The following TNRC6A variants were observed in gnomAD, a reference collection of about 807,000 sequenced individuals.
TNRC6A encodes trinucleotide repeat-containing gene 6A protein.
Under a neutral mutation model 221.2 loss-of-function variants are expected in TNRC6A, and 44 were observed. The observed-to-expected ratio is 0.20, with a 90% confidence interval of 0.16 to 0.26. The LOEUF (loss-of-function observed/expected upper bound fraction) is 0.26, where lower values mean the gene tolerates loss of function less well. Among genes scored for constraint, TNRC6A ranks in the 10% least tolerant of loss-of-function variants. The pLI is 1.00. For synonymous variants in TNRC6A, 847 were observed against 838.5 expected, an observed-to-expected ratio of 1.01 and a Z score of -0.18; for missense variants, 2,199 against 2,404.4, an observed-to-expected ratio of 0.91 and a Z score of 1.79.
chr16:24,675,688 CTCTCTCTCTCTCTCTATATATA>C (rs1567346650), intron 2 of TNRC6A, among the ~76,000 whole-genome samples: 4 of 86,142 alleles, frequency 4.6e-5, no homozygotes, highest in African/African-American at 1.5e-4. Context: ...CTCTCTCTCT[CTCTCTCTCTCTCTCTATATATA>C]TATATATATA....
At chr16:24,680,550 C>T (rs192698797) in intron 2 of TNRC6A, among the ~76,000 whole-genome samples, 2 of 151,962 alleles carry the variant, frequency 1.3e-5, no homozygotes, top group Admixed American at 1.3e-4. Flanking sequence ...AACCTCATCT[C>T]TACTAAAAAT....
At chr16:24,726,362 C>CAA (rs58809989), upstream of TNRC6A, among the ~76,000 whole-genome samples, 65,957 of 134,368 alleles carry the variant, frequency 0.49, 17,032 homozygotes, top group East Asian at 0.85. Context: ...CAAAAGATAC[C>CAA]AAAAAAAAAA....
chr16:24,685,991 T>C (rs2055618177), intron 2 of TNRC6A, among the ~76,000 whole-genome samples: 1 of 152,104 alleles, frequency 6.6e-6, no homozygotes, highest in Non-Finnish European at 1.5e-5. Context: ...TGGGCTAGCA[T>C]TGCCATTCAG....
At chr16:24,613,288 T>C (rs1900158398) in intron 1 of TNRC6A, among the ~76,000 whole-genome samples, 1 of 151,500 alleles carries the variant, frequency 6.6e-6, no homozygotes, top group South Asian at 2.1e-4. Context: ...GTGAAGGCCT[T>C]GAGGAGGGCA....
intron 2 of TNRC6A, among the ~76,000 whole-genome samples, chr16:24,721,154 T>C (rs2056404257): frequency 6.6e-6 from 1 of 152,186 alleles, no homozygotes; most frequent in Non-Finnish European, 1.5e-5. Context: ...CTTGATGAGG[T>C]TGAGATGCAA....
At chr16:24,668,771 C>T (rs2055228516) in intron 2 of TNRC6A, among the ~76,000 whole-genome samples, 1 of 152,162 alleles carries the variant, frequency 6.6e-6, no homozygotes, top group African/African-American at 2.4e-5. Flanking sequence ...TTGAATTACT[C>T]AGTGAGAAAG....
At chr16:24,636,970 G>A (rs1164287647) in intron 1 of TNRC6A, among the ~76,000 whole-genome samples, 5 of 152,092 alleles carry the variant, frequency 3.3e-5, no homozygotes, top group Admixed American at 6.6e-5. Flanking sequence ...AGCCATACCT[G>A]GGGCCCCATC....
rs552685273 is a variant in TNRC6A at position 24,643,081 on chromosome 16, A to G, written n.402+2072A>G. Among the ~76,000 whole-genome samples, 511 of 134,810 alleles carry G rather than the reference A, an allele frequency of 3.8e-3. 4 individuals carry two copies. Among genetic ancestry groups the G allele is most frequent in the African/African-American group, 0.014 (495 of 35,184 alleles). 88.4% of individuals were successfully genotyped at this position (134,810 alleles called of 152,430 possible). On this transcript the variant is annotated intron_variant and non_coding_transcript_variant, in intron 2 of 2. Transcript: ENST00000566108. Reference sequence around the variant, plus strand: ...ATAACATATATATTATATATATATTATATATATATATTTTATATATATATA... The same window carrying G: ...ATAACATATATATTATATATATATTGTATATATATATTTTATATATATATA...
At chr16:24,739,722 A>G (rs907890087) in intron 2 of TNRC6A, among the ~76,000 whole-genome samples, 1 of 150,488 alleles carries the variant, frequency 6.6e-6, no homozygotes, top group Non-Finnish European at 1.5e-5. Flanking sequence ...CAAATGATCC[A>G]CCCGCCTCTG....
rs1385903228 is a variant in TNRC6A, at chr16:24,657,687, C to T, written n.402+16678C>T. Among the ~76,000 whole-genome samples, 7 of 139,518 alleles carry T rather than the reference C, an allele frequency of 5.0e-5. No individual in the cohort carries two copies. The South Asian group carries it at 9.0e-4, about 18-fold the overall frequency. The allele number at this position is 139,518 out of a possible 152,430, so 91.5% of individuals were successfully genotyped here. ...TCGTGCCACTGCACTCCAGCTTGGG[C>T]GACAGAGCAAAGCTCCATCTCAAAA... On this transcript the variant is annotated intron_variant and non_coding_transcript_variant, in intron 2 of 2. Coordinates refer to the TNRC6A transcript ENST00000566108.
At chr16:24,742,482 T>C (rs138244671) in intron 2 of TNRC6A, among the ~76,000 whole-genome samples, 89 of 152,270 alleles carry the variant, frequency 5.8e-4, no homozygotes, top group African/African-American at 1.9e-3. Flanking sequence ...GTGGTGTTGG[T>C]GTTACAGTGT....
chr16:24,715,997 C>A (rs1029357231), intron 2 of TNRC6A, among the ~76,000 whole-genome samples: 14 of 152,204 alleles, frequency 9.2e-5, no homozygotes, highest in Admixed American at 3.3e-4. Context: ...ATCCATAGAT[C>A]TCTGGAATTC....
chr16:24,673,370 C>CTA (rs1351059750), intron 2 of TNRC6A, among the ~76,000 whole-genome samples: 1 of 152,118 alleles, frequency 6.6e-6, no homozygotes, highest in Non-Finnish European at 1.5e-5. Flanking sequence ...GGCTTCAAAG[C>CTA]TATGTTCTGG....
intron 2 of TNRC6A, among the ~76,000 whole-genome samples, chr16:24,693,423 C>G (rs2055795395): frequency 6.6e-6 from 1 of 152,050 alleles, no homozygotes; most frequent in African/African-American, 2.4e-5. Context: ...CCCGTCTCTA[C>G]TAAAAATACA....
At chr16:24,689,451 T>A (rs1430815467) in intron 2 of TNRC6A, among the ~76,000 whole-genome samples, 1 of 152,148 alleles carries the variant, frequency 6.6e-6, no homozygotes, top group Non-Finnish European at 1.5e-5. Flanking sequence ...AATCCGCACA[T>A]TGATGAGAAT....
chr16:24,635,585 A>G (rs1901599695), intron 1 of TNRC6A, among the ~76,000 whole-genome samples: 1 of 152,154 alleles, frequency 6.6e-6, no homozygotes, highest in Non-Finnish European at 1.5e-5. Flanking sequence ...ACCTGGCCAG[A>G]TTCTGCACCT....
At chr16:24,627,997 A>C (rs116613886) in intron 1 of TNRC6A, among the ~76,000 whole-genome samples, 1 of 151,266 alleles carries the variant, frequency 6.6e-6, no homozygotes, top group African/African-American at 2.4e-5. Context: ...GCACTTGGCC[A>C]TCTTTCTTGT....
chr16:24,645,834 C>CAAAAAA (rs36106864), intron 2 of TNRC6A, among the ~76,000 whole-genome samples: 415 of 26,640 alleles, frequency 0.016, 91 homozygotes, highest in African/African-American at 0.022. Context: ...CCTGTATCTA[C>CAAAAAA]AAAAAAAAAA....
chr16:24,628,255 C>T (rs932268743), intron 1 of TNRC6A, among the ~76,000 whole-genome samples: 1 of 151,514 alleles, frequency 6.6e-6, no homozygotes, highest in African/African-American at 2.4e-5. Context: ...CCCGTCTCTA[C>T]TAAAAATACA....
Sources: gnomAD v4.1 joint callset for allele counts (sites outside exome capture counted in the v4.1 genomes callset) on GRCh38, gnomAD v4.1.1 for gene constraint, MANE v1.5 for transcripts, NCBI Gene and HGNC (gene_info 2026-07-23, HGNC 2026-07-21) for gene names.